Variants in SNTG2 observed in about 807,000 individuals in gnomAD.
SNTG2 encodes the protein syntrophin gamma 2, also known as gamma-2-syntrophin.
Under a neutral mutation model 70.9 loss-of-function variants are expected in SNTG2, and 74 were observed. The observed-to-expected ratio is 1.04, with a 90% CI of 0.86 to 1.27. The LOEUF (loss-of-function observed/expected upper bound fraction) is 1.27. Among genes scored for constraint, SNTG2 ranks in the 50% most tolerant of loss-of-function variants. SNTG2 has a pLI of 0.00. For synonymous variants in SNTG2, 278 were observed against 273.8 expected, an observed-to-expected ratio of 1.02 and a Z score of -0.15; for missense variants, 717 against 690.7, an observed-to-expected ratio of 1.04 and a Z score of -0.43.
intron 14 of SNTG2, among the ~76,000 whole-genome samples, chr2:1,278,610 T>C (rs903121198): frequency 1.3e-5 from 2 of 152,218 alleles, no homozygotes; most frequent in African/African-American, 4.8e-5. Context: ...TAGGCCTCCC[T>C]GCAGACTTCA....
chr2:1,051,088 A>G (rs142073050), intron 1 of SNTG2, among the ~76,000 whole-genome samples: 2,435 of 149,650 alleles, frequency 0.016, 50 homozygotes, highest in Middle Eastern at 0.062. Context: ...TCCATGCTCA[A>G]TAATATCATC....
chr2:1,128,263 A>G (rs1303590739), intron 4 of SNTG2, among the ~76,000 whole-genome samples: 1 of 152,194 alleles, frequency 6.6e-6, no homozygotes, highest in Non-Finnish European at 1.5e-5. Context: ...TACTGTGAAT[A>G]ATGGAATCAA....
intron 1 of SNTG2, among the ~76,000 whole-genome samples, chr2:964,298 G>A (rs1258190985): frequency 6.6e-6 from 1 of 152,208 alleles, no homozygotes; most frequent in East Asian, 1.9e-4. Context: ...CTTGTATACT[G>A]TGTTCTAAGG....
intron 1 of SNTG2, among the ~76,000 whole-genome samples, chr2:988,701 T>A (rs28473143): frequency 0.46 from 69,166 of 151,846 alleles, 16,288 homozygotes; most frequent in Middle Eastern, 0.6. Flanking sequence ...GCTGGTCATT[T>A]TAGGAAGTAT....
chr2:1,143,957 A>AC (rs1558451776), intron 6 of SNTG2, among the ~76,000 whole-genome samples: 1 of 61,476 alleles, frequency 1.6e-5, no homozygotes, highest in East Asian at 5.2e-3. Flanking sequence ...GAAAAAAAAC[A>AC]GAAATTTATT....
intron 14 of SNTG2, among the ~76,000 whole-genome samples, chr2:1,300,040 C>T (rs1680383751): frequency 6.6e-6 from 1 of 151,522 alleles, no homozygotes. Flanking sequence ...GGCACTGTTA[C>T]CATCACCGCT....
intron 16 of SNTG2, among the ~76,000 whole-genome samples, chr2:1,351,763 C>T (rs1163021405): frequency 6.6e-6 from 1 of 152,198 alleles, no homozygotes; most frequent in African/African-American, 2.4e-5. Flanking sequence ...TCCCACTGCT[C>T]TGAAGTGTCT....
At chr2:1,255,103 G>A in intron 12 of SNTG2, among the ~76,000 whole-genome samples, 1 of 152,182 alleles carries the variant, frequency 6.6e-6, no homozygotes, top group East Asian at 1.9e-4. Flanking sequence ...GCATTAGGGA[G>A]CCCTGGATTT....
intron 14 of SNTG2, among the ~76,000 whole-genome samples, chr2:1,293,519 G>A (rs1031440317): frequency 3.3e-5 from 5 of 151,614 alleles, no homozygotes; most frequent in Non-Finnish European, 1.5e-5. Context: ...TTTGGCCCTA[G>A]TTTTACTGTG....
chr2:1,216,179 A>C (rs545405223), intron 9 of SNTG2, among the ~76,000 whole-genome samples: 1 of 152,304 alleles, frequency 6.6e-6, no homozygotes, highest in Non-Finnish European at 1.5e-5. Flanking sequence ...CAACAGTGTA[A>C]AAATGTTCCT....
At chr2:1,171,795 T>C (rs1450607985) in intron 7 of SNTG2, among the ~76,000 whole-genome samples, 1 of 152,214 alleles carries the variant, frequency 6.6e-6, no homozygotes, top group Non-Finnish European at 1.5e-5. Flanking sequence ...TTTGTAGATA[T>C]TATACAGCTG....
chr2:1,089,885 A>G (rs1572403532), intron 2 of SNTG2, among the ~76,000 whole-genome samples: 1 of 152,360 alleles, frequency 6.6e-6, no homozygotes, highest in East Asian at 1.9e-4. Flanking sequence ...ATTATATGCC[A>G]ACATAGCACT....
intron 11 of SNTG2, among the ~76,000 whole-genome samples, chr2:1,241,166 C>T (rs1287888873): frequency 1.3e-5 from 2 of 152,178 alleles, no homozygotes; most frequent in Non-Finnish European, 1.5e-5. Flanking sequence ...GAGACTCTTC[C>T]GAGATCTTAG....
chr2:1,265,754 C>T (rs1035135267), intron 13 of SNTG2, among the ~76,000 whole-genome samples: 1 of 152,202 alleles, frequency 6.6e-6, no homozygotes. Context: ...CTGGTTGGCA[C>T]AAGTGAATGG....
intron 8 of SNTG2, among the ~76,000 whole-genome samples, chr2:1,195,867 G>A (rs142415920): frequency 0.014 from 2,193 of 151,952 alleles, 57 homozygotes; most frequent in African/African-American, 0.05. Flanking sequence ...CTATTTTCCC[G>A]GGTTTAGTGA....
At chr2:1,323,923 C>T (rs1466805203) in intron 16 of SNTG2, among the ~76,000 whole-genome samples, 1 of 151,010 alleles carries the variant, frequency 6.6e-6, no homozygotes, top group African/African-American at 2.4e-5. Flanking sequence ...TGAGACCTCC[C>T]CAACCCAGGT....
At chr2:1,115,825 G>A (rs971765881) in intron 4 of SNTG2, among the ~76,000 whole-genome samples, 1 of 152,230 alleles carries the variant, frequency 6.6e-6, no homozygotes, top group Non-Finnish European at 1.5e-5. Flanking sequence ...CTTGTGCAGG[G>A]ACAGTCACTG....
intron 12 of SNTG2, among the ~76,000 whole-genome samples, chr2:1,251,723 GACAC>G (rs564034692): frequency 4.0e-5 from 5 of 124,138 alleles, no homozygotes; most frequent in South Asian, 5.4e-4. Flanking sequence ...AACACAAATA[GACAC>G]ACACCCCCCA....
At chr2:1,079,169 T>A (rs1664118925) in intron 1 of SNTG2, among the ~76,000 whole-genome samples, 1 of 152,212 alleles carries the variant, frequency 6.6e-6, no homozygotes, top group Non-Finnish European at 1.5e-5. Context: ...TCCCCTCTCC[T>A]TGCTTTTATT....
Sources: gnomAD v4.1 joint callset for allele counts (sites outside exome capture counted in the v4.1 genomes callset) on GRCh38, gnomAD v4.1.1 for gene constraint, MANE v1.5 for transcripts, NCBI Gene and HGNC (gene_info 2026-07-23, HGNC 2026-07-21) for gene names.